Variants in PRKCE observed in about 807,000 individuals in gnomAD.
PRKCE encodes the protein protein kinase C epsilon.
A neutral mutation model predicts 85.4 loss-of-function variants in PRKCE; 16 were observed. The ratio of observed to expected loss-of-function variants is 0.19; its 90% CI spans 0.13 to 0.28. The LOEUF (loss-of-function observed/expected upper bound fraction) is 0.28, where lower values mean the gene tolerates loss of function less well. PRKCE is among the 10% of genes least tolerant of loss of function. The pLI, the probability that PRKCE is intolerant of heterozygous loss-of-function variation, is 1.00. For synonymous variants in PRKCE, 388 were observed against 371.5 expected, an observed-to-expected ratio of 1.04 and a Z score of -0.51; for missense variants, 573 against 975.2, an observed-to-expected ratio of 0.59 and a Z score of 5.49.
At chr2:45,939,220 G>A (rs1699703563) in intron 2 of PRKCE, among the ~76,000 whole-genome samples, 1 of 152,178 alleles carries the variant, frequency 6.6e-6, no homozygotes. Flanking sequence ...AAAGAAATTT[G>A]ATACAAGTGC....
intron 1 of PRKCE, among the ~76,000 whole-genome samples, chr2:45,653,367 GTTGTTT>G (rs1254106922): frequency 9.5e-4 from 46 of 48,444 alleles, no homozygotes; most frequent in African/African-American, 3.1e-3. Context: ...TTGTTTTTGG[GTTGTTT>G]TTTTTTTTTT....
chr2:45,941,578 C>A (rs150828306), intron 2 of PRKCE, among the ~76,000 whole-genome samples: 146 of 152,254 alleles, frequency 9.6e-4, no homozygotes, highest in South Asian at 3.1e-3. Flanking sequence ...TCAACGGAAC[C>A]TTGAAGAATG....
In PRKCE at chr2:46,052,639, A is replaced by G. The variant is rs181995794; in HGVS notation, c.1438-33569A>G. Among the ~76,000 whole-genome samples the G allele has an allele frequency of 2.1e-4, 32 of 152,354 alleles. No homozygotes were observed. The East Asian group carries it at 3.9e-3, about 18-fold the overall frequency. Reference sequence around the variant, plus strand: ...GCAGAGTTCTTGGCAAAAATTGACAAGCCGATCTTAAAATTCATATGAAAT... The same window carrying G: ...GCAGAGTTCTTGGCAAAAATTGACAGGCCGATCTTAAAATTCATATGAAAT... On this transcript the variant is annotated intron_variant, in intron 10 of 14. Coordinates refer to ENST00000306156, the MANE Select transcript of PRKCE (RefSeq NM_005400.3).
chr2:45,728,063 C>A (rs1201995515), intron 1 of PRKCE, among the ~76,000 whole-genome samples: 1 of 152,186 alleles, frequency 6.6e-6, no homozygotes, highest in East Asian at 1.9e-4. Context: ...CCATGCCTCG[C>A]TTTCTGTTTA....
At chr2:45,689,585 C>A (rs1236539363) in intron 1 of PRKCE, among the ~76,000 whole-genome samples, 1 of 151,364 alleles carries the variant, frequency 6.6e-6, no homozygotes, top group Non-Finnish European at 1.5e-5. Context: ...CATAGCAAAG[C>A]ATTCAAACAG....
intron 1 of PRKCE, among the ~76,000 whole-genome samples, chr2:45,784,831 A>G (rs1032724420): frequency 3.9e-5 from 6 of 152,222 alleles, no homozygotes; most frequent in Non-Finnish European, 7.3e-5. Flanking sequence ...TTGACTGTGA[A>G]GGAGAAGGGG....
chr2:45,806,022 G>A (rs756458122), intron 1 of PRKCE, among the ~76,000 whole-genome samples: 1 of 152,142 alleles, frequency 6.6e-6, no homozygotes, highest in Non-Finnish European at 1.5e-5. Context: ...CCATGCTCTT[G>A]AGCTCCCCAC....
At chr2:45,680,101 C>T (rs534919660) in intron 1 of PRKCE, among the ~76,000 whole-genome samples, 6 of 152,176 alleles carry the variant, frequency 3.9e-5, no homozygotes, top group Non-Finnish European at 8.8e-5. Flanking sequence ...AGTGAGGGTA[C>T]AGATTTGAGG....
At chr2:45,911,404 C>T (rs1371928308) in intron 2 of PRKCE, among the ~76,000 whole-genome samples, 1 of 152,208 alleles carries the variant, frequency 6.6e-6, no homozygotes, top group African/African-American at 2.4e-5. Flanking sequence ...ATTATGCATG[C>T]AGAGCATTGC....
chr2:45,705,477 T>C (rs1022283569), intron 1 of PRKCE, among the ~76,000 whole-genome samples: 5 of 152,244 alleles, frequency 3.3e-5, no homozygotes, highest in African/African-American at 7.2e-5. Flanking sequence ...AACCCAGCTG[T>C]ACCATTCCCT....
At chr2:45,769,518 G>T (rs13401638) in intron 1 of PRKCE, among the ~76,000 whole-genome samples, 28,196 of 152,114 alleles carry the variant, frequency 0.19, 3,242 homozygotes, top group Middle Eastern at 0.32. Context: ...ATGGCATCCA[G>T]CAGGGATCTT....
chr2:46,151,922 A>G (rs201388408), intron 13 of PRKCE, among the ~76,000 whole-genome samples: 5,301 of 152,314 alleles, frequency 0.035, 122 homozygotes, highest in East Asian at 0.082. Context: ...GAAATCCGTG[A>G]AAGCTGAGGT....
Position 45,985,465 on chromosome 2 carries a change from TATTGC to T in PRKCE, c.823+788_823+792del, listed in dbSNP as rs536451378. On this transcript the variant is annotated intron_variant, in intron 6 of 14. Transcript: ENST00000306156. ...GCAACCGTGAACTACTAGGCAGGGA[TATTGC>T]ATGGACAATATTTTAAAATAGTGTT... Among the ~76,000 whole-genome samples, 11 of 152,318 alleles carry T rather than the reference TATTGC, an allele frequency of 7.2e-5. 1 individual carries two copies. In the South Asian group the frequency reaches 2.1e-3, roughly 29 times the overall value.
chr2:45,993,535 G>T (rs778415436), intron 6 of PRKCE, among the ~76,000 whole-genome samples: 1 of 152,164 alleles, frequency 6.6e-6, no homozygotes, highest in South Asian at 2.1e-4. Context: ...CCCCTTTGCC[G>T]ACCTGCCAGC....
chr2:46,181,053 A>C (rs898564941), intron 14 of PRKCE, among the ~76,000 whole-genome samples: 1 of 152,200 alleles, frequency 6.6e-6, no homozygotes, highest in Non-Finnish European at 1.5e-5. Flanking sequence ...GGGATGACTG[A>C]GGATCAGGAT....
intron 1 of PRKCE, among the ~76,000 whole-genome samples, chr2:45,795,372 G>C (rs1166031928): frequency 6.6e-6 from 1 of 152,058 alleles, no homozygotes; most frequent in Non-Finnish European, 1.5e-5. Context: ...GCAGTGGCGT[G>C]ATCTCAGCTC....
chr2:45,912,406 C>T (rs1408435697), intron 2 of PRKCE, among the ~76,000 whole-genome samples: 1 of 152,116 alleles, frequency 6.6e-6, no homozygotes, highest in Non-Finnish European at 1.5e-5. Context: ...GAAAAGCACA[C>T]GTTGCCATCA....
At chr2:45,725,976 T>A (rs1681038472) in intron 1 of PRKCE, among the ~76,000 whole-genome samples, 1 of 152,160 alleles carries the variant, frequency 6.6e-6, no homozygotes, top group Non-Finnish European at 1.5e-5. Flanking sequence ...GTACTTCAGC[T>A]GGGAAAGTCA....
intron 2 of PRKCE, among the ~76,000 whole-genome samples, chr2:45,887,085 G>A (rs866840290): frequency 6.6e-6 from 1 of 152,156 alleles, no homozygotes; most frequent in African/African-American, 2.4e-5. Context: ...GTTTTTACAT[G>A]GTGTCTATCT....
Sources: allele counts gnomAD v4.1 joint callset (sites outside exome capture counted in the v4.1 genomes callset), GRCh38; gene constraint gnomAD v4.1.1; transcripts MANE v1.5; gene names NCBI Gene and HGNC (gene_info 2026-07-23, HGNC 2026-07-21).